RBFOX1: variants seen among roughly 807,000 people sequenced by gnomAD.
The protein encoded by RBFOX1 is RNA binding protein fox-1 homolog 1.
RBFOX1 carries 8 observed loss-of-function variants against 57.7 expected under a neutral mutation model. The ratio of observed to expected loss-of-function variants is 0.14; its 90% CI spans 0.08 to 0.25. The LOEUF is 0.25. Among genes scored for constraint, RBFOX1 ranks in the 10% least tolerant of loss-of-function variants. The probability of loss-of-function intolerance (pLI) is 1.00; values close to 1 mark genes in which losing one functional copy is unlikely to be tolerated. For missense variants in RBFOX1, 611 were observed against 548.5 expected (o/e 1.11, Z -1.14); for synonymous variants, 326 against 222.4 (o/e 1.47, Z -4.15).
intron 14 of RBFOX1, among the ~76,000 whole-genome samples, chr16:7,689,934 A>G (rs143936992): frequency 1.3e-5 from 2 of 152,108 alleles, no homozygotes; most frequent in Non-Finnish European, 2.9e-5. Context: ...GTGTGGTTGC[A>G]TAGTCTAAAA....
intron 4 of RBFOX1, among the ~76,000 whole-genome samples, chr16:7,239,890 A>G (rs1277737813): frequency 7.5e-6 from 1 of 133,218 alleles, no homozygotes; most frequent in African/African-American, 2.6e-5. Context: ...TTGTGCTAAA[A>G]GGAACATTTC....
intron 4 of RBFOX1, among the ~76,000 whole-genome samples, chr16:7,096,561 C>T (rs1351503510): frequency 6.6e-6 from 1 of 152,084 alleles, no homozygotes; most frequent in Non-Finnish European, 1.5e-5. Context: ...TACCCCTGAA[C>T]CCATCCCTGA....
intron 14 of RBFOX1, among the ~76,000 whole-genome samples, chr16:7,697,016 C>G (rs1418676944): frequency 6.6e-6 from 1 of 152,076 alleles, no homozygotes; most frequent in African/African-American, 2.4e-5. Flanking sequence ...GAAGTTAGGA[C>G]TTGGAGGCTG....
chr16:6,586,992 C>T (rs113887960), intron 2 of RBFOX1, among the ~76,000 whole-genome samples: 104 of 151,986 alleles, frequency 6.8e-4, no homozygotes, highest in African/African-American at 2.4e-3. Flanking sequence ...TTAATACATG[C>T]ATTACTTCCC....
intron 3 of RBFOX1, among the ~76,000 whole-genome samples, chr16:6,943,081 C>T (rs549640087): frequency 2.0e-5 from 3 of 152,144 alleles, no homozygotes; most frequent in Non-Finnish European, 4.4e-5. Flanking sequence ...TGTTGGGATT[C>T]AGAGCAGGTC....
At chr16:7,081,011 A>G (rs1037020356) in intron 4 of RBFOX1, among the ~76,000 whole-genome samples, 5 of 152,118 alleles carry the variant, frequency 3.3e-5, no homozygotes, top group Admixed American at 3.3e-4. Context: ...AGCCCTTGCG[A>G]GTTGCTGGCC....
chr16:6,939,778 C>G (rs1489158578), intron 3 of RBFOX1, among the ~76,000 whole-genome samples: 3 of 152,106 alleles, frequency 2.0e-5, no homozygotes, highest in Admixed American at 6.5e-5. Context: ...TACCATAGTG[C>G]TGGGATTACA....
At chr16:5,968,045 A>C (rs1278247304) in intron 4 of RBFOX1, among the ~76,000 whole-genome samples, 1 of 152,124 alleles carries the variant, frequency 6.6e-6, no homozygotes, top group Non-Finnish European at 1.5e-5. Context: ...CTGTCTGACC[A>C]TTTTGACGGT....
At chr16:7,493,377 A>G (rs574903424) in intron 4 of RBFOX1, among the ~76,000 whole-genome samples, 85 of 152,328 alleles carry the variant, frequency 5.6e-4, no homozygotes, top group African/African-American at 1.7e-3. Context: ...AATCATTGCA[A>G]TAGACTCAGT....
intron 2 of RBFOX1, among the ~76,000 whole-genome samples, chr16:6,331,588 A>G (rs2083038982): frequency 8.5e-6 from 1 of 117,422 alleles, no homozygotes; most frequent in East Asian, 2.2e-4. Context: ...GTATATATAT[A>G]TGTGTGTGTA....
Position 6,843,904 on chromosome 16 carries a change from A to G in RBFOX1, c.-16+189254A>G, listed in dbSNP as rs560220040. 5.3e-5 allele frequency among the ~76,000 whole-genome samples: 8 copies of G among 152,236 alleles called. No individual in the cohort carries two copies. The East Asian group carries it at 9.7e-4, about 18-fold the overall frequency. On this transcript the variant is annotated intron_variant, in intron 3 of 15. Transcript: ENST00000550418. ...GGATTGTCCTTCAGTATCTAAGAAT[A>G]TGGGGGGGAAATTACCAGAATTCTC...
chr16:6,426,186 T>C (rs1039381899), intron 2 of RBFOX1, among the ~76,000 whole-genome samples: 2 of 151,758 alleles, frequency 1.3e-5, no homozygotes, highest in African/African-American at 2.4e-5. Context: ...CCTCCCTTCC[T>C]TCCTTCGTTC....
intron 1 of RBFOX1, among the ~76,000 whole-genome samples, chr16:5,348,082 C>T (rs1444455568): frequency 6.8e-6 from 1 of 147,656 alleles, no homozygotes; most frequent in East Asian, 2.1e-4. Context: ...GTACCACTCA[C>T]TCACCCACTG....
intron 4 of RBFOX1, among the ~76,000 whole-genome samples, chr16:7,065,718 G>A (rs2346257): frequency 0.63 from 95,403 of 151,922 alleles, 30,318 homozygotes; most frequent in South Asian, 0.79. Context: ...GTGATTACCT[G>A]TAGCCGCCAT....
chr16:6,131,187 G>A (rs1484581153), intron 1 of RBFOX1, among the ~76,000 whole-genome samples: 1 of 152,202 alleles, frequency 6.6e-6, no homozygotes, highest in Non-Finnish European at 1.5e-5. Flanking sequence ...ACTACCTAGT[G>A]TGATGGAAAT....
chr16:6,864,524 A>T (rs1015564290), intron 3 of RBFOX1, among the ~76,000 whole-genome samples: 1 of 151,398 alleles, frequency 6.6e-6, no homozygotes, highest in Non-Finnish European at 1.5e-5. Flanking sequence ...TTTAGTTTTA[A>T]ACCCCCCTAT....
At chr16:5,880,279 C>A (rs2057729738) in intron 4 of RBFOX1, among the ~76,000 whole-genome samples, 1 of 152,332 alleles carries the variant, frequency 6.6e-6, no homozygotes, top group East Asian at 1.9e-4. Flanking sequence ...ACCCCAAAAT[C>A]TGACTCCAGT....
intron 2 of RBFOX1, among the ~76,000 whole-genome samples, chr16:6,385,398 T>G (rs1434369036): frequency 6.6e-6 from 1 of 152,218 alleles, no homozygotes; most frequent in Admixed American, 6.5e-5. Context: ...CTCCCTCTTT[T>G]GCCCAGGCTG....
intron 1 of RBFOX1, among the ~76,000 whole-genome samples, chr16:6,229,761 ACAT>A (rs2097444585): frequency 6.6e-6 from 1 of 152,030 alleles, no homozygotes; most frequent in African/African-American, 2.4e-5. Context: ...CTGATGGAAA[ACAT>A]CCTTTCCACT....
Sources: allele counts gnomAD v4.1 joint callset (sites outside exome capture counted in the v4.1 genomes callset), GRCh38; gene constraint gnomAD v4.1.1; transcripts MANE v1.5; gene names NCBI Gene and HGNC (gene_info 2026-07-23, HGNC 2026-07-21).